KCNH8: variants seen among roughly 807,000 people sequenced by gnomAD.
KCNH8 encodes the protein voltage-gated delayed rectifier potassium channel KCNH8.
KCNH8 carries 70 observed loss-of-function variants against 103.6 expected under a neutral mutation model. The observed-to-expected ratio is 0.68, with a 90% confidence interval of 0.56 to 0.82. The LOEUF is 0.82. Among genes scored for constraint, KCNH8 ranks in the 40% least tolerant of loss-of-function variants. The pLI, the probability that KCNH8 is intolerant of heterozygous loss-of-function variation, is 0.00. For synonymous variants in KCNH8, 498 were observed against 489.4 expected (o/e 1.02, Z -0.23); for missense variants, 1,217 against 1,329.9 (o/e 0.92, Z 1.32).
intron 11 of KCNH8, among the ~76,000 whole-genome samples, chr3:19,500,381 AC>A (rs1247990133): frequency 6.6e-6 from 1 of 152,190 alleles, no homozygotes; most frequent in Non-Finnish European, 1.5e-5. Flanking sequence ...GATCAATGAG[AC>A]AGAAAATCAA....
intron 4 of KCNH8, among the ~76,000 whole-genome samples, chr3:19,342,965 T>C (rs1234549853): frequency 6.6e-6 from 1 of 152,138 alleles, no homozygotes; most frequent in East Asian, 1.9e-4. Flanking sequence ...AAGTACAATA[T>C]GGTACTAGGG....
intron 5 of KCNH8, among the ~76,000 whole-genome samples, chr3:19,389,392 CGA>C (rs966250041): frequency 1.3e-5 from 2 of 151,728 alleles, no homozygotes; most frequent in African/African-American, 4.8e-5. Context: ...GTAAAACGCT[CGA>C]TAATATATAA....
At chr3:19,533,350 T>G in intron 15 of KCNH8, 45 bp from the exon 16 acceptor site, 1 of 1,227,340 alleles carries the variant, frequency 8.1e-7, no homozygotes, top group South Asian at 1.2e-5. Context: ...TGGTCACTAC[T>G]ATGCACCTCT....
intron 7 of KCNH8, among the ~76,000 whole-genome samples, chr3:19,433,433 A>C (rs2067152357): frequency 6.6e-6 from 1 of 152,224 alleles, no homozygotes; most frequent in Non-Finnish European, 1.5e-5. Context: ...AAAAAATGTC[A>C]ATCATTTGTG....
chr3:19,457,644 T>C (rs2067554340), intron 11 of KCNH8, among the ~76,000 whole-genome samples: 1 of 151,986 alleles, frequency 6.6e-6, no homozygotes, highest in African/African-American at 2.4e-5. Flanking sequence ...ATAGGAATGA[T>C]TGTTGAAAGG....
intron 11 of KCNH8, among the ~76,000 whole-genome samples, chr3:19,504,789 C>G (rs2068658746): frequency 6.6e-6 from 1 of 151,916 alleles, no homozygotes; most frequent in Admixed American, 6.6e-5. Context: ...GAGCTAAAAA[C>G]AGAACTACCA....
intron 1 of KCNH8, among the ~76,000 whole-genome samples, chr3:19,185,908 C>G (rs1247561572): frequency 6.6e-6 from 1 of 151,780 alleles, no homozygotes; most frequent in African/African-American, 2.4e-5. Flanking sequence ...AGTGGTAAAC[C>G]TCTGCATTCA....
intron 1 of KCNH8, among the ~76,000 whole-genome samples, chr3:19,177,001 A>G (rs957023800): frequency 6.6e-6 from 1 of 152,080 alleles, no homozygotes; most frequent in Non-Finnish European, 1.5e-5. Flanking sequence ...TAGCACTATA[A>G]CTCATGCTTG....
At chr3:19,504,964 G>C (rs2068661967) in intron 11 of KCNH8, among the ~76,000 whole-genome samples, 1 of 147,678 alleles carries the variant, frequency 6.8e-6, no homozygotes, top group Admixed American at 6.8e-5. Flanking sequence ...AAGAAAATGT[G>C]AGATATATAT....
intron 8 of KCNH8, among the ~76,000 whole-genome samples, chr3:19,447,652 G>GT (rs1319683683): frequency 6.6e-6 from 1 of 152,000 alleles, no homozygotes; most frequent in Non-Finnish European, 1.5e-5. Flanking sequence ...TGAAGTCGAT[G>GT]TTTAATTTCT....
At chr3:19,438,027 C>T (rs917139099) in intron 7 of KCNH8, 137 bp from the exon 8 acceptor site, 56 of 709,818 alleles carry the variant, frequency 7.9e-5, no homozygotes, top group Admixed American at 1.4e-4. Context: ...AATAGCTTGC[C>T]TTTAATTTCC....
At chr3:19,151,296 T>C (rs1295426646) in intron 1 of KCNH8, among the ~76,000 whole-genome samples, 1 of 152,168 alleles carries the variant, frequency 6.6e-6, no homozygotes, top group African/African-American at 2.4e-5. Context: ...AAATTTTAAA[T>C]TTACAAAATT....
intron 5 of KCNH8, among the ~76,000 whole-genome samples, chr3:19,383,971 T>G (rs1349986865): frequency 6.6e-6 from 1 of 152,102 alleles, no homozygotes; most frequent in East Asian, 1.9e-4. Flanking sequence ...TTTCCAAAGT[T>G]CAATATCTAA....
At chr3:19,362,084 G>A (rs540152865) in intron 5 of KCNH8, among the ~76,000 whole-genome samples, 46 of 152,226 alleles carry the variant, frequency 3.0e-4, no homozygotes, top group African/African-American at 1.1e-3. Flanking sequence ...CAATAATGAT[G>A]ATTATTGTCG....
intron 3 of KCNH8, among the ~76,000 whole-genome samples, chr3:19,306,803 A>G (rs568773801): frequency 2.6e-5 from 4 of 152,212 alleles, no homozygotes; most frequent in Admixed American, 1.3e-4. Context: ...ATGTGATATC[A>G]TATCAAGGAT....
chr3:19,409,182 G>T (rs2066738374), intron 7 of KCNH8, among the ~76,000 whole-genome samples: 1 of 152,076 alleles, frequency 6.6e-6, no homozygotes, highest in South Asian at 2.1e-4. Context: ...TCAGAAAAAG[G>T]CTTACAAGCC....
Position 19,259,849 on chromosome 3 carries a change from T to A in KCNH8, c.310+5962T>A, listed in dbSNP as rs150715302. 5.9e-5 allele frequency among the ~76,000 whole-genome samples: 9 copies of A among 151,914 alleles called. 1 individual carries two copies. In the East Asian group the frequency reaches 1.7e-3, roughly 29 times the overall value. ...ATTTATTTATAATTAACTGCCTTTC[T>A]TTTTTAAGGGAGAATGCCTCCAAAG... On this transcript the variant is annotated intron_variant, in intron 2 of 15. Coordinates refer to ENST00000328405, the MANE Select transcript of KCNH8 (RefSeq NM_144633.3).
intron 7 of KCNH8, among the ~76,000 whole-genome samples, chr3:19,427,554 G>A (rs921984939): frequency 6.6e-6 from 1 of 152,076 alleles, no homozygotes. Flanking sequence ...CACAGCATAG[G>A]TATGACCTAT....
rs537751616 is a variant in KCNH8 at position 19,159,435 on chromosome 3, T to C, written c.76+10640T>C. Reference sequence around the variant, plus strand: ...CTTGGACGTGTATATTATTTGACTTTGGTAAGGAAACTACACACCCATATT... The same window carrying C: ...CTTGGACGTGTATATTATTTGACTTCGGTAAGGAAACTACACACCCATATT... On this transcript the variant is annotated intron_variant, in intron 1 of 15. Transcript: ENST00000328405. 1.7e-4 allele frequency among the ~76,000 whole-genome samples: 26 copies of C among 152,030 alleles called. 1 individual carries two copies. The highest frequency in any genetic ancestry group is 3.2e-4 in the Non-Finnish European group (22 of 67,934).
Sources: allele counts gnomAD v4.1 joint callset (sites outside exome capture counted in the v4.1 genomes callset), GRCh38; gene constraint gnomAD v4.1.1; transcripts MANE v1.5; gene names NCBI Gene and HGNC (gene_info 2026-07-23, HGNC 2026-07-21).